NHSL3: variants seen among roughly 807,000 people sequenced by gnomAD.
The protein encoded by NHSL3 is NHS-like protein 3.
At chr1:32,764,324 A>T in the NHSL3 span, among the ~76,000 whole-genome samples, 1 of 151,954 alleles carries the variant, frequency 6.6e-6, no homozygotes, top group Non-Finnish European at 1.5e-5. Context: ...TTTGAACTCA[A>T]CTCATAACAT....
chr1:32,742,247 GGCTCT>G, the NHSL3 span: 1 of 1,234,018 alleles, frequency 8.1e-7, no homozygotes, highest in Non-Finnish European at 1.0e-6. Context: ...CGGCCGAGGG[GGCTCT>G]GCCGGGGGTC....
the NHSL3 span, among the ~76,000 whole-genome samples, chr1:32,760,604 T>G: frequency 1.3e-5 from 2 of 149,614 alleles, no homozygotes; most frequent in African/African-American, 4.9e-5. Flanking sequence ...TTTTTTTTTT[T>G]GTTTGAGACC....
the NHSL3 span, among the ~76,000 whole-genome samples, chr1:32,744,353 T>C: frequency 6.6e-6 from 1 of 152,110 alleles, no homozygotes; most frequent in Non-Finnish European, 1.5e-5. Flanking sequence ...TGCACAAACT[T>C]AGAAGAAGAG....
the NHSL3 span, among the ~76,000 whole-genome samples, chr1:32,763,398 T>C: frequency 6.6e-6 from 1 of 152,088 alleles, no homozygotes; most frequent in African/African-American, 2.4e-5. Flanking sequence ...TTTCCATTGC[T>C]CAATCCTCCA....
the NHSL3 span, chr1:32,765,679 C>G: frequency 6.5e-7 from 1 of 1,538,296 alleles, no homozygotes; most frequent in Non-Finnish European, 8.7e-7. Context: ...CTCGCATCCC[C>G]ATAGTGCTGG....
the NHSL3 span, chr1:32,754,166 C>T: frequency 1.4e-6 from 1 of 711,018 alleles, no homozygotes; most frequent in African/African-American, 1.8e-5. Flanking sequence ...GGGCGGTCGG[C>T]GAAGCGGCCG....
the NHSL3 span, chr1:32,768,126 T>C: frequency 6.4e-7 from 1 of 1,564,730 alleles, no homozygotes; most frequent in South Asian, 1.1e-5. Context: ...AGGTGAGCCC[T>C]GCCTCCAGCT....
At chr1:32,770,530 G>A in the NHSL3 span, 35 of 1,540,644 alleles carry the variant, frequency 2.3e-5, no homozygotes, top group South Asian at 7.5e-5. This position sits in a 1 kb window ranked among gnomAD's most constrained non-coding sequence, Gnocchi z 8.3. Flanking sequence ...TAGCAATAGC[G>A]TGGTACCCCC....
At chr1:32,767,424 G>A in the NHSL3 span, among the ~76,000 whole-genome samples, 1 of 152,064 alleles carries the variant, frequency 6.6e-6, no homozygotes, top group South Asian at 2.1e-4. Flanking sequence ...GTACCTATGT[G>A]TGTTTATACT....
At chr1:32,772,251 TGTGGCCCGCAAGCC>T in the NHSL3 span, 3 of 1,602,874 alleles carry the variant, frequency 1.9e-6, no homozygotes, top group African/African-American at 4.0e-5. Context: ...CTCCCCCACC[TGTGGCCCGCAAGCC>T]GTCTGTGGGA....
the NHSL3 span, among the ~76,000 whole-genome samples, chr1:32,753,430 A>G: frequency 2.6e-5 from 4 of 152,050 alleles, no homozygotes; most frequent in African/African-American, 9.6e-5. Flanking sequence ...GGTTGCAGTG[A>G]GCCGAGAGCG....
chr1:32,766,147 C>T, the NHSL3 span, among the ~76,000 whole-genome samples: 1 of 152,078 alleles, frequency 6.6e-6, no homozygotes, highest in African/African-American at 2.4e-5. Flanking sequence ...ATGTACTAGC[C>T]TTTCCTAGTG....
At chr1:32,762,423 CAG>C in the NHSL3 span, among the ~76,000 whole-genome samples, 1 of 141,878 alleles carries the variant, frequency 7.0e-6, no homozygotes, top group Non-Finnish European at 1.6e-5. Flanking sequence ...TTAGAGTTAT[CAG>C]GGGAATCTTT....
chr1:32,767,004 C>T, the NHSL3 span, among the ~76,000 whole-genome samples: 1 of 152,132 alleles, frequency 6.6e-6, no homozygotes, highest in Admixed American at 6.5e-5. Flanking sequence ...GGTCTTTCTT[C>T]TCCCCTCCCC....
chr1:32,769,730 G>T, the NHSL3 span: 1 of 1,613,822 alleles, frequency 6.2e-7, no homozygotes. Flanking sequence ...GGGCGGCGTC[G>T]GCGGGAGCGG....
chr1:32,771,628 G>C, the NHSL3 span: 1 of 1,613,038 alleles, frequency 6.2e-7, no homozygotes, highest in Non-Finnish European at 8.5e-7. Flanking sequence ...CTCCCCGGCT[G>C]CTTCGTCCTC....
chr1:32,760,575 G>GGT, the NHSL3 span, among the ~76,000 whole-genome samples: 20 of 148,430 alleles, frequency 1.3e-4, no homozygotes, highest in African/African-American at 2.9e-4. Flanking sequence ...GTGCTTTATG[G>GGT]GTGTGTGTGT....
At chr1:32,748,595 A>G in the NHSL3 span, among the ~76,000 whole-genome samples, 1 of 152,108 alleles carries the variant, frequency 6.6e-6, no homozygotes, top group Non-Finnish European at 1.5e-5. Context: ...CATCTCTGTG[A>G]TACTCCCAGG....
At chr1:32,764,921 T>C in the NHSL3 span, among the ~76,000 whole-genome samples, 1 of 152,228 alleles carries the variant, frequency 6.6e-6, no homozygotes, top group Non-Finnish European at 1.5e-5. Context: ...CTTGGCTAAT[T>C]CTGTTCTCCC....
Sources: gnomAD v4.1 joint callset for allele counts (sites outside exome capture counted in the v4.1 genomes callset) on GRCh38, gnomAD v4.1.1 for gene constraint, Gnocchi (gnomAD v3.1) non-coding constraint, MANE v1.5 for transcripts, NCBI Gene and HGNC (gene_info 2026-07-23, HGNC 2026-07-21) for gene names.